ABCB1: variants seen among roughly 807,000 people sequenced by gnomAD.
ABCB1 encodes ATP-dependent translocase ABCB1.
A neutral mutation model predicts 142.0 loss-of-function variants in ABCB1; 69 were observed. The ratio of observed to expected loss-of-function variants is 0.49; its 90% CI spans 0.40 to 0.59. The LOEUF (loss-of-function observed/expected upper bound fraction) is 0.59. Among genes scored for constraint, ABCB1 ranks in the 20% least tolerant of loss-of-function variants. The pLI is 0.00. For missense variants in ABCB1, 1,326 were observed against 1,554.7 expected (o/e 0.85, Z 2.47); for synonymous variants, 532 against 539.2 (o/e 0.99, Z 0.18).
intron 1 of ABCB1, among the ~76,000 whole-genome samples, chr7:87,612,858 G>A (rs1819901030): frequency 1.3e-5 from 2 of 152,028 alleles, no homozygotes; most frequent in Admixed American, 1.3e-4. Flanking sequence ...GGGCAGTGTG[G>A]TCATTTTCAC....
chr7:87,684,346 C>G (rs1827228348), intron 1 of ABCB1, among the ~76,000 whole-genome samples: 1 of 152,034 alleles, frequency 6.6e-6, no homozygotes, highest in African/African-American at 2.4e-5. Context: ...ATTTATATGT[C>G]TAGGCAAAGT....
chr7:87,547,145 T>A (rs1816817739), intron 14 of ABCB1, among the ~76,000 whole-genome samples: 1 of 152,190 alleles, frequency 6.6e-6, no homozygotes, highest in South Asian at 2.1e-4. Flanking sequence ...TATGTCTCTC[T>A]AATAACTAGC....
At chr7:87,651,346 A>G (rs140669184) in intron 1 of ABCB1, among the ~76,000 whole-genome samples, 1 of 152,288 alleles carries the variant, frequency 6.6e-6, no homozygotes, top group East Asian at 1.9e-4. Flanking sequence ...GTAGGTTAAA[A>G]AAGAGGTATG....
chr7:87,524,674 A>G (rs1815706401), intron 21 of ABCB1, among the ~76,000 whole-genome samples: 1 of 152,086 alleles, frequency 6.6e-6, no homozygotes, highest in South Asian at 2.1e-4. Context: ...AACATGGCAC[A>G]TGTATACATA....
rs200822574 is a variant in ABCB1, at chr7:87,515,252, G to A, written c.3261C>T (p.Tyr1087=). The A allele has an allele frequency of 1.2e-4, 194 of 1,613,766 alleles. No homozygotes were observed. The highest frequency in any genetic ancestry group is 1.3e-4 in the East Asian group (6 of 44,892). The part of the protein sequence containing the change: ...STVVQLLERF[Y]DPLAGKVLLD... Reference sequence around the variant, plus strand: ...TCACCACTTTCCCTGCCAAGGGGTCGTAGAACCGCTCCAGGAGCTGGACCA... The same window carrying A: ...TCACCACTTTCCCTGCCAAGGGGTCATAGAACCGCTCCAGGAGCTGGACCA... Residue 1087 remains tyrosine (Y), a synonymous_variant, in exon 25 of 28, where the codon TAC becomes TAT. Transcript: ENST00000622132.
chr7:87,550,512 A>T lies in ABCB1; in HGVS notation c.1180T>A (p.Phe394Ile). 6.2e-7 allele frequency: 1 copy of T among 1,613,540 alleles called. No individual in the cohort carries two copies. The highest frequency in any genetic ancestry group is 1.3e-5 in the African/African-American group (1 of 75,060). The change falls in exon 11 of 28, where the codon TTC (phenylalanine) becomes ATC (isoleucine). Residue 394 changes from phenylalanine (F) to isoleucine (I), a missense_variant. Physicochemically the swap from Phe to Ile is conservative, Grantham distance 21 (BLOSUM62 0). Coordinates refer to ENST00000622132, the MANE Select transcript of ABCB1 (RefSeq NM_001348946.2). ...KPDNIKGNLE[F>I]RNVHFSYPSR... The stretch of plus-strand genomic sequence containing the variant: ...GGGTAACTGAAGTGAACATTTCTGA[A>T]TTCCAAATTTCCCTTAATATTATCT...
At chr7:87,629,001 G>C (rs1820910168) in intron 1 of ABCB1, 1 of 1,290,986 alleles carries the variant, frequency 7.7e-7, no homozygotes, top group Non-Finnish European at 9.9e-7. Flanking sequence ...AGAGCTCTGG[G>C]CTTCCGCGCG....
chr7:87,516,726 C>A (rs1815265931), intron 23 of ABCB1, 61 bp from the exon 24 acceptor site: 547 of 1,000,232 alleles, frequency 5.5e-4, no homozygotes, highest in Non-Finnish European at 7.0e-4. Flanking sequence ...AGAAAGCTGA[C>A]ACTCCTTTTT....
intron 18 of ABCB1, among the ~76,000 whole-genome samples, chr7:87,540,755 A>T (rs565212029): frequency 6.6e-6 from 1 of 152,282 alleles, no homozygotes; most frequent in East Asian, 1.9e-4. Context: ...TGGCCCTCAT[A>T]CTAAACTTTT....
intron 17 of ABCB1, among the ~76,000 whole-genome samples, chr7:87,542,553 G>A (rs1021648558): frequency 1.3e-5 from 2 of 152,116 alleles, no homozygotes; most frequent in African/African-American, 4.8e-5. Context: ...TCCCAGCCCT[G>A]GGTCACTTAC....
chr7:87,666,198 G>A (rs527939884), intron 1 of ABCB1, among the ~76,000 whole-genome samples: 19 of 152,188 alleles, frequency 1.2e-4, no homozygotes, highest in African/African-American at 4.3e-4. Context: ...GTGTGAGATG[G>A]TATCTCATTG....
intron 8 of ABCB1, among the ~76,000 whole-genome samples, chr7:87,558,382 T>G (rs923515598): frequency 6.6e-6 from 1 of 152,234 alleles, no homozygotes; most frequent in Non-Finnish European, 1.5e-5. Context: ...TTCTGAATAA[T>G]GATAGGTACC....
At chr7:87,604,784 C>T (rs1021667383), upstream of ABCB1, among the ~76,000 whole-genome samples, 1 of 152,114 alleles carries the variant, frequency 6.6e-6, no homozygotes, top group Non-Finnish European at 1.5e-5. Flanking sequence ...AGTGAGTTAG[C>T]CATGTGATAA....
intron 3 of ABCB1, among the ~76,000 whole-genome samples, chr7:87,587,738 G>A (rs1360280634): frequency 3.9e-5 from 6 of 151,998 alleles, no homozygotes; most frequent in Non-Finnish European, 5.9e-5. Context: ...AGCCGGATGT[G>A]GTGGCAGGCG....
At chr7:87,648,158 C>G (rs1823212403) in intron 1 of ABCB1, among the ~76,000 whole-genome samples, 1 of 143,794 alleles carries the variant, frequency 7.0e-6, no homozygotes. Context: ...GCACTCCAGC[C>G]TGGGTGACAG....
At chr7:87,683,671 C>A (rs1008013150) in intron 1 of ABCB1, among the ~76,000 whole-genome samples, 1 of 152,064 alleles carries the variant, frequency 6.6e-6, no homozygotes, top group Non-Finnish European at 1.5e-5. Context: ...ATAGTAACAT[C>A]AAAGATCACT....
chr7:87,669,592 T>G (rs1825626988), intron 1 of ABCB1, among the ~76,000 whole-genome samples: 1 of 152,226 alleles, frequency 6.6e-6, no homozygotes, highest in African/African-American at 2.4e-5. Context: ...TTAAGCATGT[T>G]TTTGTATTAG....
intron 1 of ABCB1, among the ~76,000 whole-genome samples, chr7:87,683,112 C>T (rs1289909634): frequency 6.6e-6 from 1 of 152,082 alleles, no homozygotes; most frequent in Non-Finnish European, 1.5e-5. Context: ...ATGAACCAAC[C>T]TCTGCTAGCT....
rs546961059 is a variant in ABCB1 at position 87,619,745 on chromosome 7, CAT to C, written c.-330-18669_-330-18668del. Among the ~76,000 whole-genome samples, 635 of 148,230 alleles carry C rather than the reference CAT, an allele frequency of 4.3e-3. 3 individuals are homozygous for C. The highest frequency in any genetic ancestry group is 0.013 in the African/African-American group (491 of 39,086). ...TTTTATATATACACACACACAAACA[CAT>C]GTGTGTGTGTGTGTGTGTATATATA... On this transcript the variant is annotated intron_variant, in intron 1 of 28. Coordinates refer to the ABCB1 transcript ENST00000265724.
Sources: allele counts gnomAD v4.1 joint callset (sites outside exome capture counted in the v4.1 genomes callset), GRCh38; gene constraint gnomAD v4.1.1; transcripts MANE v1.5; gene names NCBI Gene and HGNC (gene_info 2026-07-23, HGNC 2026-07-21).